The following CRISPLD2 variants were observed in gnomAD, a reference collection of about 807,000 sequenced individuals.
CRISPLD2 encodes cysteine-rich secretory protein LCCL domain-containing 2.
A neutral mutation model predicts 71.1 loss-of-function variants in CRISPLD2; 47 were observed. The observed-to-expected ratio is 0.66, with a 90% CI of 0.52 to 0.84. CRISPLD2 has a LOEUF of 0.84. Among genes scored for constraint, CRISPLD2 ranks in the 40% least tolerant of loss-of-function variants. CRISPLD2 has a pLI of 0.00. For missense variants in CRISPLD2, 830 were observed against 651.1 expected (o/e 1.27, Z -2.99); for synonymous variants, 317 against 250.1 (o/e 1.27, Z -2.52).
At chr16:84,847,468 A>G (rs1013125232) in intron 3 of CRISPLD2, among the ~76,000 whole-genome samples, 10 of 152,048 alleles carry the variant, frequency 6.6e-5, no homozygotes, top group Non-Finnish European at 1.2e-4. Flanking sequence ...TGGCCAACAT[A>G]GTGAAACCCC....
chr16:84,867,173 C>T, intron 7 of CRISPLD2, 133 bp downstream of exon 7: 4 of 846,916 alleles, frequency 4.7e-6, no homozygotes, highest in Non-Finnish European at 1.8e-6. Flanking sequence ...TGCGGCGAAG[C>T]TCATGGAGGC....
At chr16:84,886,938 T>A (rs922556968) in intron 13 of CRISPLD2, among the ~76,000 whole-genome samples, 20 of 152,224 alleles carry the variant, frequency 1.3e-4, no homozygotes, top group African/African-American at 4.8e-4. Flanking sequence ...GTCTTGCAAA[T>A]CTGAAACCCT....
At position 84,846,834 on chromosome 16, in the gene CRISPLD2, T is replaced by C. The variant is rs116463766; in HGVS notation, c.359+930T>C. On this transcript the variant is annotated intron_variant, in intron 3 of 14. Coordinates refer to ENST00000262424, the MANE Select transcript of CRISPLD2 (RefSeq NM_031476.4). ...TGGGAGCGATTTGTCCCCTCTCCCA[T>C]AGGAGGCATTGACGGTTGTCTGTTA... Among the ~76,000 whole-genome samples the C allele has an allele frequency of 5.8e-3, 879 of 152,302 alleles. 11 individuals are homozygous for C. The highest frequency in any genetic ancestry group is 0.02 in the African/African-American group (840 of 41,568).
At chr16:84,884,083 G>C (rs1038900556) in intron 13 of CRISPLD2, among the ~76,000 whole-genome samples, 1 of 152,142 alleles carries the variant, frequency 6.6e-6, no homozygotes, top group African/African-American at 2.4e-5. Context: ...GACCTCAAGT[G>C]ATCTGCCTGC....
chr16:84,872,633 A>G (rs970025329), intron 9 of CRISPLD2, 125 bp downstream of exon 9: 3 of 856,870 alleles, frequency 3.5e-6, no homozygotes, highest in East Asian at 2.6e-5. Flanking sequence ...TGGCATTTCT[A>G]GAACTGGGGC....
At chr16:84,876,407 C>T (rs1485963880) in intron 11 of CRISPLD2, among the ~76,000 whole-genome samples, 1 of 151,772 alleles carries the variant, frequency 6.6e-6, no homozygotes, top group Non-Finnish European at 1.5e-5. Flanking sequence ...GAGGTTGAGG[C>T]AGGAGAATTG....
chr16:84,821,274 C>T (rs933484022), intron 1 of CRISPLD2, among the ~76,000 whole-genome samples: 2 of 152,198 alleles, frequency 1.3e-5, no homozygotes, highest in African/African-American at 2.4e-5. Flanking sequence ...TGAGTTGTGA[C>T]TGTCGGCTGT....
intron 5 of CRISPLD2, among the ~76,000 whole-genome samples, chr16:84,853,547 C>CGGTGAGGCCAGGGTGCTTCT: frequency 6.6e-6 from 1 of 152,234 alleles, no homozygotes; most frequent in Non-Finnish European, 1.5e-5. Context: ...ACAGGCCCCT[C>CGGTGAGGCCAGGGTGCTTCT]GGTGAGGCCA....
At chr16:84,883,620 G>C (rs979148573) in intron 13 of CRISPLD2, among the ~76,000 whole-genome samples, 1 of 152,216 alleles carries the variant, frequency 6.6e-6, no homozygotes, top group Non-Finnish European at 1.5e-5. Flanking sequence ...CAGGATCAGT[G>C]GGGCTGGGTG....
intron 14 of CRISPLD2, among the ~76,000 whole-genome samples, chr16:84,897,582 G>A (rs1233876097): frequency 6.6e-6 from 1 of 152,168 alleles, no homozygotes; most frequent in East Asian, 1.9e-4. Flanking sequence ...TTTCTTCTGT[G>A]TTTACATATA....
chr16:84,851,778 A>G (rs1001747873), intron 5 of CRISPLD2, among the ~76,000 whole-genome samples: 7 of 152,210 alleles, frequency 4.6e-5, no homozygotes, highest in African/African-American at 1.7e-4. Flanking sequence ...GACTCTATAA[A>G]AAATAGACAC....
chr16:84,843,201 C>A (rs982545306), intron 2 of CRISPLD2, among the ~76,000 whole-genome samples: 1 of 152,192 alleles, frequency 6.6e-6, no homozygotes, highest in Non-Finnish European at 1.5e-5. Context: ...ACTGAGGCTA[C>A]CTCGGAGCAA....
chr16:84,865,949 G>C (rs1346509230), intron 6 of CRISPLD2, among the ~76,000 whole-genome samples: 1 of 152,196 alleles, frequency 6.6e-6, no homozygotes, highest in African/African-American at 2.4e-5. Flanking sequence ...TGTTCTTTCG[G>C]ATAGTTGGAT....
intron 11 of CRISPLD2, among the ~76,000 whole-genome samples, chr16:84,875,069 T>G (rs2071506018): frequency 6.6e-6 from 1 of 152,084 alleles, no homozygotes; most frequent in African/African-American, 2.4e-5. Context: ...AGCAAGACCC[T>G]GTCTCTGCAA....
intron 4 of CRISPLD2, 127 bp from the exon 5 acceptor site, chr16:84,850,441 A>G (rs1917053724): frequency 6.9e-6 from 5 of 725,412 alleles, no homozygotes; most frequent in Admixed American, 2.2e-5. Flanking sequence ...TTAGGGACTA[A>G]TATCTGCTTC....
chr16:84,866,904 C>G lies in CRISPLD2; in HGVS notation c.717C>G (p.Thr239=), dbSNP rs763164380. Residue 239 remains threonine, a synonymous_variant, in exon 7 of 15, where the codon ACC becomes ACG. Coordinates refer to ENST00000262424, the MANE Select transcript of CRISPLD2 (RefSeq NM_031476.4). ...CRNNLCYREE[T]YTPKPETDEM... ...TCCCTCTCCAATGTTAAGAAGAAAC[C>G]TACACTCCAAAACCTGAAACGGACG... is the stretch of plus-strand genomic sequence containing the variant. 3.7e-6 allele frequency: 6 copies of G among 1,613,894 alleles called. No individual in the cohort carries two copies. The East Asian group carries it at 6.7e-5, about 18-fold the overall frequency.
At chr16:84,830,429 C>A (rs1413362545) in intron 1 of CRISPLD2, among the ~76,000 whole-genome samples, 1 of 152,182 alleles carries the variant, frequency 6.6e-6, no homozygotes, top group African/African-American at 2.4e-5. Context: ...ATATTCCGGG[C>A]ATGGTGGCTC....
chr16:84,838,707 A>G lies in CRISPLD2; in HGVS notation c.212A>G (p.Gln71Arg), dbSNP rs1171444844. Residue 71 changes from glutamine to arginine, a missense_variant, in exon 2 of 15, where the codon CAG becomes CGG. Physicochemically the swap from Gln to Arg is conservative, Grantham distance 43. Coordinates refer to ENST00000262424, the MANE Select transcript of CRISPLD2 (RefSeq NM_031476.4). ...MLHNKLRGQV[Q>R]PQASNMEYMT... The stretch of plus-strand genomic sequence containing the variant: ...CACAACAAGCTTCGGGGCCAGGTGC[A>G]GCCTCAGGCCTCCAACATGGAGTAC... 2.5e-6 allele frequency: 4 copies of G among 1,613,982 alleles called. No homozygotes were observed. The highest frequency in any genetic ancestry group is 3.4e-6 in the Non-Finnish European group (4 of 1,180,020).
chr16:84,841,795 A>C (rs757793234), intron 2 of CRISPLD2, among the ~76,000 whole-genome samples: 1 of 152,120 alleles, frequency 6.6e-6, no homozygotes, highest in Non-Finnish European at 1.5e-5. Context: ...GGTGTTTGCC[A>C]TGTTGGCCAG....
Sources: allele counts gnomAD v4.1 joint callset (sites outside exome capture counted in the v4.1 genomes callset), GRCh38; gene constraint gnomAD v4.1.1; transcripts MANE v1.5; gene names NCBI Gene and HGNC (gene_info 2026-07-23, HGNC 2026-07-21).